DPF2: variants seen among roughly 807,000 people sequenced by gnomAD.
DPF2 encodes the protein double PHD fingers 2, also known as zinc finger protein ubi-d4.
A neutral mutation model predicts 59.6 loss-of-function variants in DPF2; 10 were observed. The ratio of observed to expected loss-of-function variants is 0.17; its 90% CI spans 0.10 to 0.28. The LOEUF (loss-of-function observed/expected upper bound fraction) is 0.28, where lower values mean the gene tolerates loss of function less well. Ranked by LOEUF, DPF2 falls within the 10% of genes least tolerant of loss-of-function variation. The pLI is 1.00. For missense variants in DPF2, 315 were observed against 509.4 expected (o/e 0.62, Z 3.67); for synonymous variants, 189 against 190.6 (o/e 0.99, Z 0.07).
At chr11:65,346,509 C>T in intron 9 of DPF2, 150 bp downstream of exon 9, 1 of 655,876 alleles carries the variant, frequency 1.5e-6, no homozygotes, top group Admixed American at 2.9e-5. Flanking sequence ...AGTCAGAACT[C>T]TGATTTGTTG....
intron 1 of DPF2, among the ~76,000 whole-genome samples, chr11:65,338,783 G>T (rs1427458948): frequency 6.6e-6 from 1 of 152,194 alleles, no homozygotes; most frequent in African/African-American, 2.4e-5. Flanking sequence ...GTCTATTGTG[G>T]CTGCTCACTG....
chr11:65,351,880 T>G lies in DPF2; in HGVS notation c.*121T>G, dbSNP rs922304147. The G allele has an allele frequency of 8.5e-7, 1 of 1,182,202 alleles. No homozygotes were observed. 73.2% of individuals were successfully genotyped at this position (1,182,202 alleles called of 1,614,324 possible). ...ACAAATCCAGAGAACCTTGGGGTGG[T>G]TGTGCCAGCCTGCCTTTGGCAGCTG... On this transcript the variant is annotated 3_prime_UTR_variant, in exon 11 of 11. Transcript: ENST00000528416.
chr11:65,337,931 C>T lies in DPF2; in HGVS notation c.33-2454C>T, dbSNP rs549868810. On this transcript the variant is annotated intron_variant, in intron 1 of 10. Coordinates refer to ENST00000528416, the MANE Select transcript of DPF2 (RefSeq NM_006268.5). ...GCAATTCTTCTGCCTCAGCCTCCCC[C>T]GTAGCTGGGATTATGGTCATGTACC... Among the ~76,000 whole-genome samples, 6 of 152,022 alleles carry T rather than the reference C, an allele frequency of 3.9e-5. No homozygotes were observed. The East Asian group carries it at 5.8e-4, about 15-fold the overall frequency.
At chr11:65,348,989 C>A in intron 10 of DPF2, 58 bp downstream of exon 10, 1 of 1,576,902 alleles carries the variant, frequency 6.3e-7, no homozygotes, top group Non-Finnish European at 8.7e-7. Context: ...TTGGAAAATA[C>A]TGAGTTCTAT....
chr11:65,350,767 C>A (rs1232938146), intron 10 of DPF2, among the ~76,000 whole-genome samples: 1 of 151,202 alleles, frequency 6.6e-6, no homozygotes. Context: ...TCTCTTGAGC[C>A]CAGGGGTTCA....
At chr11:65,345,130 A>G (rs563633627) in intron 6 of DPF2, 5 of 170,430 alleles carry the variant, frequency 2.9e-5, no homozygotes, top group Admixed American at 5.8e-5. Context: ...TTGGGGACCA[A>G]CTGCCCAACT....
chr11:65,344,677 C>G, intron 6 of DPF2: 2 of 1,503,804 alleles, frequency 1.3e-6, no homozygotes, highest in Non-Finnish European at 1.8e-6. Context: ...TCCCTCTTCC[C>G]TTGTTCCTCC....
In DPF2 at chr11:65,340,950, T is replaced by C; in HGVS notation, c.194-16T>C. 6.2e-7 allele frequency: 1 copy of C among 1,613,356 alleles called. No individual in the cohort carries two copies. Among genetic ancestry groups the C allele is most frequent in the Non-Finnish European group, 8.5e-7 (1 of 1,179,648 alleles). On this transcript the variant is annotated splice_polypyrimidine_tract_variant and intron_variant, in intron 2 of 10. Coordinates refer to ENST00000528416, the MANE Select transcript of DPF2 (RefSeq NM_006268.5). ...ACTGGGTTAGGGCCTGACTTCTATC[T>C]TTCTTCCTGCCACAGGATTGGCCTC...
intron 8 of DPF2, 81 bp from the exon 9 acceptor site, chr11:65,346,166 A>G: frequency 6.3e-7 from 1 of 1,596,962 alleles, no homozygotes; most frequent in Non-Finnish European, 8.5e-7. Flanking sequence ...CCTAACCAAG[A>G]GAAGATGTAG....
intron 1 of DPF2, among the ~76,000 whole-genome samples, chr11:65,339,606 A>G (rs1159634939): frequency 1.3e-5 from 2 of 152,316 alleles, no homozygotes; most frequent in East Asian, 3.9e-4. Flanking sequence ...ATAAATGTAA[A>G]ATTAATTAGT....
intron 4 of DPF2, among the ~76,000 whole-genome samples, chr11:65,343,299 C>CAAAA (rs529933254): frequency 1.2e-4 from 7 of 57,990 alleles, no homozygotes; most frequent in Non-Finnish European, 1.5e-4. Flanking sequence ...AACTCTGTCT[C>CAAAA]AAAAAAAAAA....
In DPF2 at chr11:65,353,374, A is replaced by G. The variant is rs1854780491; in HGVS notation, c.*1615A>G. On this transcript the variant is annotated 3_prime_UTR_variant, in exon 11 of 11. Transcript: ENST00000528416. Reference sequence around the variant, plus strand: ...AATCTCAGACATTTAAAACAGGACCAGAAGTTTATATAAATATAATTAATA... The same window carrying G: ...AATCTCAGACATTTAAAACAGGACCGGAAGTTTATATAAATATAATTAATA... 6.6e-6 allele frequency: 1 copy of G among 152,204 alleles called. No individual in the cohort carries two copies. The highest frequency in any genetic ancestry group is 2.4e-5 in the African/African-American group (1 of 41,420). 9.4% of individuals were successfully genotyped at this position (152,204 alleles called of 1,614,324 possible). A position where few individuals can be genotyped will look rare whatever the true frequency, so the allele number is the denominator to read the frequency against.
At chr11:65,336,983 G>T (rs1194104866) in intron 1 of DPF2, among the ~76,000 whole-genome samples, 2 of 151,800 alleles carry the variant, frequency 1.3e-5, no homozygotes, top group African/African-American at 2.4e-5. Context: ...AGCTACTCAG[G>T]AGGCTGAGGC....
rs1302403615 is a variant in DPF2, at chr11:65,353,290, TCTC to T, written c.*1534_*1536del. 2.0e-5 allele frequency: 3 copies of T among 152,208 alleles called. No homozygotes were observed. The highest frequency in any genetic ancestry group is 6.5e-5 in the Admixed American group (1 of 15,270). The allele number at this position is 152,208 out of a possible 1,614,324, so 9.4% of individuals were successfully genotyped here. A position where few individuals can be genotyped will look rare whatever the true frequency, so the allele number is the denominator to read the frequency against. On this transcript the variant is annotated 3_prime_UTR_variant, in exon 11 of 11. Transcript: ENST00000528416. ...TTATGTTTCAGTTGATTTGGAGAAT[TCTC>T]CTAGTCTTGGATACATAGATGGAAG... is the stretch of plus-strand genomic sequence containing the variant.
intron 1 of DPF2, among the ~76,000 whole-genome samples, chr11:65,339,119 T>G (rs1453006635): frequency 6.6e-6 from 1 of 152,072 alleles, no homozygotes; most frequent in Non-Finnish European, 1.5e-5. Context: ...GGTTTAAGAT[T>G]GATTGACGCC....
At chr11:65,347,046 GCT>G (rs1854553109) in intron 9 of DPF2, 1 of 149,692 alleles carries the variant, frequency 6.7e-6, no homozygotes. Flanking sequence ...ATGGAGTCTT[GCT>G]CTGTCGCCCA....
At chr11:65,345,288 C>A in intron 6 of DPF2, 1 of 204,280 alleles carries the variant, frequency 4.9e-6, no homozygotes, top group Non-Finnish European at 1.0e-5. Context: ...CCACTTTTCC[C>A]CCTTCCTGCC....
In DPF2 at chr11:65,333,897, T is replaced by C. The variant is rs142171251; in HGVS notation, c.11T>C (p.Val4Ala). The C allele has an allele frequency of 1.9e-6, 3 of 1,613,770 alleles. No homozygotes were observed. Among genetic ancestry groups the C allele is most frequent in the South Asian group, 1.1e-5 (1 of 91,086 alleles). Residue 4 changes from valine (V) to alanine (A), a missense_variant, in exon 1 of 11, where the codon GTG (valine) becomes GCG (alanine). Physicochemically the swap from Val to Ala is moderately conservative, Grantham distance 64. This residue lies in a region of DPF2 where 228 missense variants were observed against 275.3 expected (regional missense o/e 0.83). Transcript: ENST00000528416. MAAVVENVVKLLGE... is the reference protein window; with the variant it reads MAAAVENVVKLLGE... ...AGAGGAACAGGGAAGATGGCGGCTG[T>C]GGTGGAGAATGTAGTGAAGCTGTGA...
chr11:65,347,362 C>G (rs574203538), intron 9 of DPF2: 3 of 152,156 alleles, frequency 2.0e-5, no homozygotes, highest in South Asian at 2.1e-4. Flanking sequence ...GACAGAGTCT[C>G]TCTGTCATCC....
Sources: gnomAD v4.1 joint callset for allele counts (sites outside exome capture counted in the v4.1 genomes callset) on GRCh38, gnomAD v4.1.1 for gene constraint, gnomAD v4.1.1 regional missense constraint, MANE v1.5 for transcripts, NCBI Gene and HGNC (gene_info 2026-07-23, HGNC 2026-07-21) for gene names.